The following ZMIZ1 variants were observed in gnomAD, a reference collection of about 807,000 sequenced individuals.
The protein encoded by ZMIZ1 is zinc finger MIZ-type containing 1, also known as zinc finger MIZ domain-containing protein 1.
A neutral mutation model predicts 113.9 loss-of-function variants in ZMIZ1; 17 were observed. The observed-to-expected ratio is 0.15, with a 90% CI of 0.10 to 0.22. The LOEUF (loss-of-function observed/expected upper bound fraction) is 0.22, where lower values mean the gene tolerates loss of function less well. Among genes scored for constraint, ZMIZ1 ranks in the 10% least tolerant of loss-of-function variants. The probability of loss-of-function intolerance (pLI) is 1.00; values close to 1 mark genes in which losing one functional copy is unlikely to be tolerated. For missense variants in ZMIZ1, 1,059 were observed against 1,477.8 expected (o/e 0.72, Z 4.65); for synonymous variants, 607 against 603.1 (o/e 1.01, Z -0.09).
At chr10:79,275,529 G>A (rs1333236411) in intron 7 of ZMIZ1, among the ~76,000 whole-genome samples, 1 of 152,222 alleles carries the variant, frequency 6.6e-6, no homozygotes, top group Non-Finnish European at 1.5e-5. Flanking sequence ...CCAGGATCTG[G>A]GCGGCTTGGG....
intron 4 of ZMIZ1, among the ~76,000 whole-genome samples, chr10:79,195,446 G>T (rs1477388302): frequency 6.6e-6 from 1 of 152,234 alleles, no homozygotes; most frequent in Non-Finnish European, 1.5e-5. Flanking sequence ...GAGGCCACGG[G>T]TGCACCTGGG....
intron 3 of ZMIZ1, among the ~76,000 whole-genome samples, chr10:79,157,627 G>T (rs1037670298): frequency 6.6e-6 from 1 of 152,146 alleles, no homozygotes; most frequent in South Asian, 2.1e-4. Context: ...CTTCTGGCCC[G>T]TGGGCCTTGG....
chr10:79,078,503 A>G (rs967054154), intron 1 of ZMIZ1, among the ~76,000 whole-genome samples: 6 of 147,622 alleles, frequency 4.1e-5, no homozygotes, highest in Non-Finnish European at 7.5e-5. Context: ...CCTGGAGGAG[A>G]TGGCTCAGAG....
At chr10:79,166,697 G>A (rs1172975829) in intron 4 of ZMIZ1, among the ~76,000 whole-genome samples, 1 of 152,240 alleles carries the variant, frequency 6.6e-6, no homozygotes, top group African/African-American at 2.4e-5. Context: ...GGAGCTGGCT[G>A]CCTGGTGGGA....
At chr10:79,214,072 C>G (rs373815726) in intron 6 of ZMIZ1, among the ~76,000 whole-genome samples, 1 of 152,178 alleles carries the variant, frequency 6.6e-6, no homozygotes, top group East Asian at 1.9e-4. Context: ...CCAGAGTCCA[C>G]GTATGAGCTG....
chr10:79,269,813 C>T (rs1255737081), intron 7 of ZMIZ1, among the ~76,000 whole-genome samples: 1 of 152,218 alleles, frequency 6.6e-6, no homozygotes, highest in Non-Finnish European at 1.5e-5. Flanking sequence ...GCTGCCTCTG[C>T]TTTCTTGCTC....
At chr10:79,197,643 C>T (rs1470899992) in intron 4 of ZMIZ1, among the ~76,000 whole-genome samples, 1 of 149,192 alleles carries the variant, frequency 6.7e-6, no homozygotes, top group Non-Finnish European at 1.5e-5. Context: ...CACACACACA[C>T]CTGTACCCTG....
At chr10:79,300,998 T>C in intron 17 of ZMIZ1, 56 bp downstream of exon 17, 1 of 1,592,142 alleles carries the variant, frequency 6.3e-7, no homozygotes, top group Non-Finnish European at 8.5e-7. Flanking sequence ...TTTCACGGCA[T>C]GAGAGTGCGG....
intron 1 of ZMIZ1, among the ~76,000 whole-genome samples, chr10:79,111,214 T>C (rs754599718): frequency 5.9e-5 from 9 of 152,086 alleles, no homozygotes; most frequent in Non-Finnish European, 1.0e-4. Flanking sequence ...AACGAGGCCC[T>C]GGCACCCAGG....
chr10:79,078,570 CTTT>C (rs34178865), intron 1 of ZMIZ1, among the ~76,000 whole-genome samples: 1 of 87,808 alleles, frequency 1.1e-5, no homozygotes. Context: ...CCACCCCCGA[CTTT>C]TTTTTTTTTT....
chr10:79,213,535 C>T (rs79408662), intron 6 of ZMIZ1, among the ~76,000 whole-genome samples: 4,283 of 152,282 alleles, frequency 0.028, 146 homozygotes, highest in East Asian at 0.077. Context: ...CCCGGCTGGC[C>T]CTTAGAGCCG....
Position 79,277,071 on chromosome 10 carries a change from G to A in ZMIZ1, c.281-110G>A, listed in dbSNP as rs113032114. The A allele has an allele frequency of 1.0e-4, 139 of 1,362,090 alleles. No individual in the cohort carries two copies. In the African/African-American group the frequency reaches 1.7e-3, roughly 17 times the overall value. 84.4% of individuals were successfully genotyped at this position (1,362,090 alleles called of 1,614,324 possible). ...AGTCTTCTGGCGTCACACGAATCTG[G>A]GAGCAAAACCAGCATGGATAGCACC... is the stretch of plus-strand genomic sequence containing the variant. On this transcript the variant is annotated intron_variant, in intron 7 of 24. Coordinates refer to ENST00000334512, the MANE Select transcript of ZMIZ1 (RefSeq NM_020338.4).
chr10:79,158,645 A>G (rs945522704), intron 3 of ZMIZ1, among the ~76,000 whole-genome samples: 2 of 152,130 alleles, frequency 1.3e-5, no homozygotes, highest in Non-Finnish European at 2.9e-5. Context: ...CTGATCCTGC[A>G]TCTCTCTGGG....
rs33931505 is a variant in ZMIZ1 at position 79,303,536 on chromosome 10, C to CA, written c.2126-479_2126-478insA. Among the ~76,000 whole-genome samples, 4 of 149,890 alleles carry CA rather than the reference C, an allele frequency of 2.7e-5. No homozygotes were observed. In the East Asian group the frequency reaches 8.0e-4, roughly 30 times the overall value. On this transcript the variant is annotated intron_variant, in intron 18 of 24. Transcript: ENST00000334512. ...TTGAAGGAGACTCCGGGTGTGGACTCGGGCCCTGTGCAAGAGGTACAGGGC... is the reference window on the plus strand; with the variant it reads ...TTGAAGGAGACTCCGGGTGTGGACTCAGGGCCCTGTGCAAGAGGTACAGGGC...
At chr10:79,098,715 C>T (rs991782256) in intron 1 of ZMIZ1, among the ~76,000 whole-genome samples, 1 of 152,220 alleles carries the variant, frequency 6.6e-6, no homozygotes, top group African/African-American at 2.4e-5. Flanking sequence ...TCAAAACCTG[C>T]GTCTCTAAGC....
intron 7 of ZMIZ1, among the ~76,000 whole-genome samples, chr10:79,244,016 G>A (rs1345269852): frequency 6.6e-6 from 1 of 152,272 alleles, no homozygotes; most frequent in Non-Finnish European, 1.5e-5. Flanking sequence ...TGAAGGTGAA[G>A]TGTTGGCTCT....
intron 7 of ZMIZ1, among the ~76,000 whole-genome samples, chr10:79,231,696 C>T (rs1271871512): frequency 1.3e-5 from 2 of 152,090 alleles, no homozygotes; most frequent in Admixed American, 6.5e-5. Context: ...CTCCTATCTC[C>T]GCCTCCCAAG....
chr10:79,078,328 T>C (rs1190923666), intron 1 of ZMIZ1, among the ~76,000 whole-genome samples: 1 of 152,160 alleles, frequency 6.6e-6, no homozygotes, highest in African/African-American at 2.4e-5. Context: ...CTGGAACTTC[T>C]GGCCAGTCAC....
chr10:79,071,622 A>G (rs1436569115), intron 1 of ZMIZ1, among the ~76,000 whole-genome samples: 1 of 152,102 alleles, frequency 6.6e-6, no homozygotes, highest in African/African-American at 2.4e-5. Flanking sequence ...CTGGCCCCTC[A>G]CTTGCTGGCT....
Sources: allele counts gnomAD v4.1 joint callset (sites outside exome capture counted in the v4.1 genomes callset), GRCh38; gene constraint gnomAD v4.1.1; transcripts MANE v1.5; gene names NCBI Gene and HGNC (gene_info 2026-07-23, HGNC 2026-07-21).